Variants in FAT4 observed in about 807,000 individuals in gnomAD.
FAT4 encodes protocadherin Fat 4.
A neutral mutation model predicts 303.9 loss-of-function variants in FAT4; 84 were observed. The ratio of observed to expected loss-of-function variants is 0.28; its 90% CI spans 0.23 to 0.33. The LOEUF (loss-of-function observed/expected upper bound fraction) is 0.33. Among genes scored for constraint, FAT4 ranks in the 10% least tolerant of loss-of-function variants. The pLI is 1.00. For synonymous variants in FAT4, 2,307 were observed against 2,298.8 expected (o/e 1.00, Z -0.10); for missense variants, 6,005 against 6,146.8 (o/e 0.98, Z 0.77).
Position 125,317,197 on chromosome 4 carries a change from C to G in FAT4, c.786C>G (p.Asp262Glu), listed in dbSNP as rs779561914. 9 of 1,593,894 alleles carry G rather than the reference C, an allele frequency of 5.6e-6. No individual in the cohort carries two copies. The South Asian group carries it at 1.0e-4, about 18-fold the overall frequency. ...SSHYQAGVPE[D>E]AVVGSSVLQV... ...ACTACCAGGCGGGGGTGCCTGAGGA[C>G]GCGGTTGTGGGTTCCAGCGTCCTCC... Residue 262 changes from aspartate (D) to glutamate (E), a missense_variant, in exon 2 of 18, where the codon GAC becomes GAG. By Grantham distance (45) the Asp-to-Glu change is conservative. Coordinates refer to ENST00000394329, the MANE Select transcript of FAT4 (RefSeq NM_001291303.3). The surrounding 1 kb of genome is among the most constrained non-coding windows in gnomAD (Gnocchi z 7.0).
At chr4:125,447,799 G>A (rs1236872359) in intron 9 of FAT4, among the ~76,000 whole-genome samples, 1 of 152,022 alleles carries the variant, frequency 6.6e-6, no homozygotes, top group Non-Finnish European at 1.5e-5. Flanking sequence ...TCCAAGTTGA[G>A]TCCATTATCC....
Position 125,318,688 on chromosome 4 carries a change from T to C in FAT4, c.2277T>C (p.Tyr759=). 1 of 1,614,110 alleles carries C rather than the reference T, an allele frequency of 6.2e-7. No homozygotes were observed. The highest frequency in any genetic ancestry group is 1.3e-5 in the African/African-American group (1 of 75,042). ...TAGACAGAGAAGAAAAAACAGCTTATCAGTTGCAAATAGTAGCTACTGATG... is the reference window on the plus strand; with the variant it reads ...TAGACAGAGAAGAAAAAACAGCTTACCAGTTGCAAATAGTAGCTACTGATG... ...MALDREEKTA[Y]QLQIVATDGG... The change falls in exon 2 of 18, where the codon TAT becomes TAC. Residue 759 remains tyrosine (Y), a synonymous_variant. Transcript: ENST00000394329.
intron 2 of FAT4, among the ~76,000 whole-genome samples, chr4:125,398,191 A>G (rs1734252836): frequency 6.6e-6 from 1 of 152,168 alleles, no homozygotes; most frequent in South Asian, 2.1e-4. Flanking sequence ...TCCACATGAC[A>G]TCTGAAAGAA....
At chr4:125,407,307 T>A (rs200336604) in intron 4 of FAT4, among the ~76,000 whole-genome samples, 166 bp downstream of exon 4, 1 of 152,114 alleles carries the variant, frequency 6.6e-6, no homozygotes, top group Non-Finnish European at 1.5e-5. Flanking sequence ...CGATCTTTGG[T>A]AAAATTCTCA....
chr4:125,433,752 A>G (rs918815768), intron 7 of FAT4, among the ~76,000 whole-genome samples: 1 of 152,228 alleles, frequency 6.6e-6, no homozygotes, highest in Admixed American at 6.5e-5. Flanking sequence ...TCCCACAGAC[A>G]GTATGGGAAA....
rs1560612488 is a variant in FAT4, at chr4:125,446,494, AT to A, written c.7404del (p.Gln2469SerfsTer52). On this transcript the variant is annotated frameshift_variant, in exon 9 of 18. Coordinates refer to ENST00000394329, the MANE Select transcript of FAT4 (RefSeq NM_001291303.3). LOFTEE classifies it high-confidence loss of function. ...VTDVNDNPPR[F>X]QHHPYVTHIP... ...CTGATGTCAATGACAATCCACCAAG[AT>A]TTCAGCATCACCCATATGTCACTCA... 1 of 1,613,496 alleles carries A rather than the reference AT, an allele frequency of 6.2e-7. No individual in the cohort carries two copies. Among genetic ancestry groups the A allele is most frequent in the Non-Finnish European group, 8.5e-7 (1 of 1,179,544 alleles).
Position 125,477,252 on chromosome 4 carries a change from G to T in FAT4, c.12397G>T (p.Val4133Phe). Reference protein sequence around the residue: ...RRGHVESHDFVGCIMEFAVNG... With the variant: ...RRGHVESHDFFGCIMEFAVNG... Reference sequence around the variant, plus strand: ...AGGACACGTGGAAAGCCATGATTTTGTTGGGTGTATAATGGAGTTTGCAGT... The same window carrying T: ...AGGACACGTGGAAAGCCATGATTTTTTTGGGTGTATAATGGAGTTTGCAGT... Residue 4133 changes from valine to phenylalanine, a missense_variant, in exon 14 of 18, where the codon GTT (valine) becomes TTT (phenylalanine). By Grantham distance (50) the Val-to-Phe change is conservative. Transcript: ENST00000394329. 1 of 1,565,880 alleles carries T rather than the reference G, an allele frequency of 6.4e-7. No individual in the cohort carries two copies. Among genetic ancestry groups the T allele is most frequent in the Non-Finnish European group, 8.7e-7 (1 of 1,153,586 alleles).
rs748856854 is a variant in FAT4, at chr4:125,319,146, T to C, written c.2735T>C (p.Ile912Thr). The stretch of plus-strand genomic sequence containing the variant: ...GAGAATTGGCAGGCAGGTCACAGCA[T>C]TTTCCAGGCCAAAGCTGTGGACCCT... ...VVENWQAGHS[I>T]FQAKAVDPDE... The change falls in exon 2 of 18, where the codon ATT (isoleucine) becomes ACT (threonine). Residue 912 changes from isoleucine (I) to threonine (T), a missense_variant. By Grantham distance (89) the Ile-to-Thr change is moderately conservative. Transcript: ENST00000394329. 5 of 1,614,002 alleles carry C rather than the reference T, an allele frequency of 3.1e-6. No homozygotes were observed. Among genetic ancestry groups the C allele is most frequent in the Non-Finnish European group, 4.2e-6 (5 of 1,180,022 alleles).
chr4:125,316,847 G>A lies in FAT4; in HGVS notation c.436G>A (p.Glu146Lys). ...CCCCTCTATCGTGGTCACTTTCAAG[G>A]AAGACAGTAGCAGCGGACGCCAAGT... ...PDPSIVVTFKEDSSSGRQVIL... is the reference protein window; with the variant it reads ...PDPSIVVTFKKDSSSGRQVIL... The change falls in exon 2 of 18, where the codon GAA becomes AAA. Residue 146 changes from glutamate (E) to lysine (K), a missense_variant. Coordinates refer to ENST00000394329, the MANE Select transcript of FAT4 (RefSeq NM_001291303.3). The surrounding 1 kb of genome is among the most constrained non-coding windows in gnomAD (Gnocchi z 5.7). 6.2e-7 allele frequency: 1 copy of A among 1,614,086 alleles called. No homozygotes were observed. The highest frequency in any genetic ancestry group is 8.5e-7 in the Non-Finnish European group (1 of 1,180,018).
chr4:125,325,921 C>T (rs570604060), intron 2 of FAT4, among the ~76,000 whole-genome samples: 3 of 152,162 alleles, frequency 2.0e-5, no homozygotes, highest in South Asian at 4.2e-4. Context: ...TGAACAAAGG[C>T]AGAGGATGGT....
chr4:125,446,437 T>C lies in FAT4; in HGVS notation c.7344T>C (p.Leu2448=). 6.2e-7 allele frequency: 1 copy of C among 1,613,544 alleles called. No individual in the cohort carries two copies. Among genetic ancestry groups the C allele is most frequent in the Non-Finnish European group, 8.5e-7 (1 of 1,179,602 alleles). Residue 2448 remains leucine (L), a synonymous_variant, in exon 9 of 18, where the codon CTT becomes CTC. Transcript: ENST00000394329. ...GTGATGCGGGATCCCCAGAGCCTCTTTCCAGTTCCACCAGTGTGCTTGTCA... is the reference window on the plus strand; with the variant it reads ...GTGATGCGGGATCCCCAGAGCCTCTCTCCAGTTCCACCAGTGTGCTTGTCA... The part of the protein sequence containing the change: ...VCSDAGSPEP[L]SSSTSVLVTV...
rs758334729 is a variant in FAT4 at position 125,448,935 on chromosome 4, A to G, written c.7925A>G (p.Glu2642Gly). Residue 2642 changes from glutamate to glycine, a missense_variant, in exon 10 of 18, where the codon GAG (glutamate) becomes GGG (glycine). Coordinates refer to ENST00000394329, the MANE Select transcript of FAT4 (RefSeq NM_001291303.3). ...EKIQKYVVWI[E>G]ARDGGFPPFS... ...ATACAAAAATATGTTGTATGGATAG[A>G]GGCCAGAGACGGTGGTTTCCCTCCT... The G allele has an allele frequency of 1.9e-6, 3 of 1,613,634 alleles. No homozygotes were observed. Among genetic ancestry groups the G allele is most frequent in the Admixed American group, 1.7e-5 (1 of 59,962 alleles).
chr4:125,365,704 T>G (rs893128243), intron 2 of FAT4, among the ~76,000 whole-genome samples: 12 of 152,198 alleles, frequency 7.9e-5, no homozygotes, highest in African/African-American at 2.9e-4. Context: ...ATAAAGTATA[T>G]GATAAAGTAA....
chr4:125,449,942 A>G lies in FAT4; in HGVS notation c.8932A>G (p.Ser2978Gly), dbSNP rs1233943115. 1.9e-6 allele frequency: 3 copies of G among 1,613,790 alleles called. No individual in the cohort carries two copies. The highest frequency in any genetic ancestry group is 2.7e-5 in the African/African-American group (2 of 74,922). The part of the protein sequence containing the change: ...ETTVTINIVD[S>G]NDNAPQFLKS... The stretch of plus-strand genomic sequence containing the variant: ...AACAGTTACCATCAATATAGTGGAC[A>G]GTAATGACAATGCACCTCAATTTCT... Residue 2978 changes from serine (S) to glycine (G), a missense_variant, in exon 10 of 18, where the codon AGT becomes GGT. Physicochemically the swap from Ser to Gly is moderately conservative, Grantham distance 56. Coordinates refer to ENST00000394329, the MANE Select transcript of FAT4 (RefSeq NM_001291303.3).
At chr4:125,369,456 A>C (rs1252799913) in intron 2 of FAT4, among the ~76,000 whole-genome samples, 3 of 152,130 alleles carry the variant, frequency 2.0e-5, no homozygotes, top group Non-Finnish European at 4.4e-5. Flanking sequence ...CAAACAAATA[A>C]ATAAAAAAAC....
chr4:125,350,272 A>G (rs1243896422), intron 2 of FAT4, among the ~76,000 whole-genome samples: 3 of 151,618 alleles, frequency 2.0e-5, no homozygotes, highest in South Asian at 2.1e-4. Context: ...ATGAGATGAG[A>G]TATTTGAAGG....
intron 2 of FAT4, among the ~76,000 whole-genome samples, chr4:125,383,438 A>G (rs1445729457): frequency 6.6e-6 from 1 of 152,140 alleles, no homozygotes; most frequent in African/African-American, 2.4e-5. Context: ...ATATTTATCC[A>G]TCCAGTTCAC....
intron 2 of FAT4, among the ~76,000 whole-genome samples, chr4:125,356,928 T>C (rs965898429): frequency 3.3e-5 from 5 of 152,052 alleles, no homozygotes; most frequent in African/African-American, 7.2e-5. Context: ...TGTTGAACAT[T>C]CATGAATCTA....
intron 2 of FAT4, among the ~76,000 whole-genome samples, chr4:125,339,984 C>T (rs982671906): frequency 1.3e-5 from 2 of 151,844 alleles, no homozygotes; most frequent in African/African-American, 4.8e-5. Flanking sequence ...ACTTTAAGTC[C>T]TTTTTGAAAT....
Sources: gnomAD v4.1 joint callset for allele counts (sites outside exome capture counted in the v4.1 genomes callset) on GRCh38, gnomAD v4.1.1 for gene constraint, Gnocchi (gnomAD v3.1) non-coding constraint, MANE v1.5 for transcripts, NCBI Gene and HGNC (gene_info 2026-07-23, HGNC 2026-07-21) for gene names.